The following PCM1 variants were observed in gnomAD, a reference collection of about 807,000 sequenced individuals.
PCM1 encodes the protein pericentriolar material 1.
PCM1 carries 157 observed loss-of-function variants against 241.9 expected under a neutral mutation model. That is an observed-to-expected ratio of 0.65 (90% CI 0.57 to 0.74). PCM1 has a LOEUF of 0.74. PCM1 is among the 30% of genes least tolerant of loss of function. PCM1 has a pLI of 0.00. For missense variants in PCM1, 3,478 were observed against 2,360.1 expected, an observed-to-expected ratio of 1.47 and a Z score of -9.81; for synonymous variants, 1,085 against 784.9, an observed-to-expected ratio of 1.38 and a Z score of -6.39.
At chr8:18,009,322 C>G (rs1223420069) in intron 30 of PCM1, among the ~76,000 whole-genome samples, 1 of 152,114 alleles carries the variant, frequency 6.6e-6, no homozygotes, top group East Asian at 1.9e-4. Flanking sequence ...CAAATAGGGA[C>G]TAAATATAGA....
chr8:18,027,904 T>C lies in PCM1; in HGVS notation c.*242T>C. On this transcript the variant is annotated 3_prime_UTR_variant, in exon 39 of 39. Coordinates refer to ENST00000325083, the MANE Select transcript of PCM1 (RefSeq NM_006197.4). ...CCTTCTTTTTTGGGTCTTCATTTTT[T>C]TCCCCATTGTGATGTTTGGTAACGA... 2.6e-6 allele frequency: 1 copy of C among 383,906 alleles called. No homozygotes were observed. Among genetic ancestry groups the C allele is most frequent in the Admixed American group, 4.4e-5 (1 of 22,778 alleles). The allele number at this position is 383,906 out of a possible 1,614,324, so 23.8% of individuals were successfully genotyped here. A position where few individuals can be genotyped will look rare whatever the true frequency, so the allele number is the denominator to read the frequency against.
chr8:18,027,027 A>T (rs545077831), intron 38 of PCM1, among the ~76,000 whole-genome samples: 1 of 152,196 alleles, frequency 6.6e-6, no homozygotes, highest in East Asian at 1.9e-4. Flanking sequence ...GAGCCACTCA[A>T]TGTTTCTTGC....
rs1377215029 is a variant in PCM1, at chr8:18,013,966, C to A, written c.5514C>A (p.Val1838=). The change falls in exon 35 of 39, where the codon GTC becomes GTA. Residue 1838 remains valine (V), a splice_region_variant and synonymous_variant. Coordinates refer to ENST00000325083, the MANE Select transcript of PCM1 (RefSeq NM_006197.4). ...ATEENEHDEQ[V]LQRDFKKTAE... ...ATTAAAACATTTTTCCCTTCTAGGT[C>A]CTACAACGTGACTTTAAAAAGACAG... The A allele has an allele frequency of 6.3e-7, 1 of 1,593,982 alleles. No individual in the cohort carries two copies.
intron 2 of PCM1, among the ~76,000 whole-genome samples, chr8:17,928,350 A>G (rs1227154519): frequency 6.6e-6 from 1 of 152,172 alleles, no homozygotes; most frequent in Non-Finnish European, 1.5e-5. Context: ...TCTCTCAGAC[A>G]CTGCTGTCTC....
chr8:17,957,213 T>C (rs1026212434), intron 11 of PCM1, 51 bp from the exon 12 acceptor site: 2 of 1,458,024 alleles, frequency 1.4e-6, no homozygotes, highest in East Asian at 2.3e-5. Flanking sequence ...TGGATTTCTT[T>C]CTCTCTTTTT....
intron 36 of PCM1, among the ~76,000 whole-genome samples, chr8:18,021,774 T>G (rs140063666): frequency 1.3e-5 from 2 of 152,316 alleles, no homozygotes; most frequent in African/African-American, 4.8e-5. Context: ...CTAATGGCAA[T>G]TACATCAACC....
At chr8:17,947,516 G>A (rs1408149919) in intron 7 of PCM1, among the ~76,000 whole-genome samples, 153 bp downstream of exon 7, 1 of 152,082 alleles carries the variant, frequency 6.6e-6, no homozygotes, top group African/African-American at 2.4e-5. Context: ...GCTTTTCTCT[G>A]GTTATGCAGA....
chr8:17,940,176 A>C (rs764327307), intron 6 of PCM1: 2 of 1,274,790 alleles, frequency 1.6e-6, no homozygotes, highest in South Asian at 1.3e-5. Context: ...GCTTTTTGGT[A>C]ATTAAAGTGC....
chr8:18,005,360 T>G (rs7828062), intron 29 of PCM1, among the ~76,000 whole-genome samples: 6,248 of 149,430 alleles, frequency 0.042, 398 homozygotes, highest in African/African-American at 0.14. Flanking sequence ...TGTTGTTGTT[T>G]TTTTTTTTTT....
At chr8:17,951,262 G>C (rs1202845724) in intron 8 of PCM1, among the ~76,000 whole-genome samples, 1 of 152,192 alleles carries the variant, frequency 6.6e-6, no homozygotes, top group Non-Finnish European at 1.5e-5. Context: ...GGTAAGAAAG[G>C]ATGAATTAAT....
intron 6 of PCM1, among the ~76,000 whole-genome samples, chr8:17,940,352 A>C (rs940709118): frequency 6.6e-6 from 1 of 152,254 alleles, no homozygotes; most frequent in Non-Finnish European, 1.5e-5. Context: ...AACACTAAAA[A>C]TAGTTTTAAT....
intron 26 of PCM1, among the ~76,000 whole-genome samples, chr8:17,986,698 A>G (rs1275637769): frequency 6.6e-6 from 1 of 151,734 alleles, no homozygotes; most frequent in Non-Finnish European, 1.5e-5. Flanking sequence ...TATATTGAGG[A>G]GATAATGTGC....
At chr8:18,013,786 T>A in intron 34 of PCM1, 178 bp from the exon 35 acceptor site, 1 of 552,016 alleles carries the variant, frequency 1.8e-6, no homozygotes, top group African/African-American at 2.0e-5. Flanking sequence ...GGAAACCCTT[T>A]AACTTAGCCA....
chr8:17,948,294 CTTTTTTTT>C (rs550672840), intron 7 of PCM1, among the ~76,000 whole-genome samples: 6 of 63,952 alleles, frequency 9.4e-5, no homozygotes, highest in African/African-American at 1.9e-4. Context: ...CAAATAACCT[CTTTTTTTT>C]TTTTTTTTTT....
At chr8:18,003,327 G>C (rs1394895593) in intron 29 of PCM1, among the ~76,000 whole-genome samples, 1 of 152,180 alleles carries the variant, frequency 6.6e-6, no homozygotes, top group Non-Finnish European at 1.5e-5. Flanking sequence ...TGGCCCATAG[G>C]ATAAAGACCA....
chr8:17,973,772 G>A (rs911220289), intron 23 of PCM1, among the ~76,000 whole-genome samples: 3 of 151,798 alleles, frequency 2.0e-5, no homozygotes, highest in South Asian at 2.1e-4. Context: ...CTTATAATCA[G>A]GAAAGTTTGA....
Position 17,955,570 on chromosome 8 carries a change from A to T in PCM1, c.1389A>T (p.Ser463=). The change falls in exon 10 of 39, where the codon TCA becomes TCT. Residue 463 remains serine, a synonymous_variant. Transcript: ENST00000325083. ...VVNGESNSLT[S]SVPYPTASLV... is the part of the protein sequence containing the mutation. ...ATGGAGAATCCAATAGCCTCACATC[A>T]TCTGTTCCTTATCCTACTGCTTCTC... The T allele has an allele frequency of 6.2e-7, 1 of 1,613,748 alleles. No individual in the cohort carries two copies. Among genetic ancestry groups the T allele is most frequent in the Non-Finnish European group, 8.5e-7 (1 of 1,179,696 alleles).
At chr8:17,973,121 GT>G (rs2077403026) in intron 23 of PCM1, among the ~76,000 whole-genome samples, 1 of 152,142 alleles carries the variant, frequency 6.6e-6, no homozygotes, top group East Asian at 1.9e-4. Flanking sequence ...GATAAAACCA[GT>G]TTTAAAACAG....
chr8:17,952,878 C>A (rs1231605330), intron 8 of PCM1, 92 bp from the exon 9 acceptor site: 2 of 781,572 alleles, frequency 2.6e-6, no homozygotes, highest in East Asian at 5.4e-5. Context: ...ATTTCTTTCT[C>A]TTTATAAAGA....
Sources: gnomAD v4.1 joint callset for allele counts (sites outside exome capture counted in the v4.1 genomes callset) on GRCh38, gnomAD v4.1.1 for gene constraint, MANE v1.5 for transcripts, NCBI Gene and HGNC (gene_info 2026-07-23, HGNC 2026-07-21) for gene names.